The following SLC39A11 variants were observed in gnomAD, a reference collection of about 807,000 sequenced individuals.
SLC39A11 encodes solute carrier family 39 member 11, also known as zinc transporter ZIP11.
Under a neutral mutation model 36.1 loss-of-function variants are expected in SLC39A11, and 33 were observed. The observed-to-expected ratio is 0.91, with a 90% CI of 0.69 to 1.22. The LOEUF (loss-of-function observed/expected upper bound fraction) is 1.22, where lower values mean the gene tolerates loss of function less well. Among genes scored for constraint, SLC39A11 ranks in the 50% most tolerant of loss-of-function variants. The pLI, the probability that SLC39A11 is intolerant of heterozygous loss-of-function variation, is 0.00. For synonymous variants in SLC39A11, 166 were observed against 170.3 expected, an observed-to-expected ratio of 0.97 and a Z score of 0.20; for missense variants, 432 against 430.3, an observed-to-expected ratio of 1.00 and a Z score of -0.03.
At chr17:72,925,847 G>A (rs2084018800) in intron 5 of SLC39A11, among the ~76,000 whole-genome samples, 1 of 152,220 alleles carries the variant, frequency 6.6e-6, no homozygotes, top group African/African-American at 2.4e-5. Flanking sequence ...TCCAGAAGGA[G>A]AAAACAATGT....
At chr17:72,989,001 AGGAGTT>A (rs2088969571) in intron 4 of SLC39A11, among the ~76,000 whole-genome samples, 4 of 152,194 alleles carry the variant, frequency 2.6e-5, no homozygotes, top group African/African-American at 4.8e-5. Context: ...ACTTGAGGTC[AGGAGTT>A]CGAGACCAGC....
chr17:72,779,541 T>C (rs1196172965), intron 6 of SLC39A11, among the ~76,000 whole-genome samples: 6 of 152,186 alleles, frequency 3.9e-5, no homozygotes, highest in African/African-American at 7.2e-5. Flanking sequence ...CTTTCCTGGC[T>C]TCTGCTTCCC....
chr17:73,081,668 C>CAT (rs1568242880), intron 3 of SLC39A11, among the ~76,000 whole-genome samples: 1 of 64,984 alleles, frequency 1.5e-5, no homozygotes, highest in East Asian at 4.5e-4. Context: ...CACACACACA[C>CAT]ACATATATAT....
chr17:73,024,629 T>C (rs2058467409), intron 4 of SLC39A11, among the ~76,000 whole-genome samples: 1 of 152,206 alleles, frequency 6.6e-6, no homozygotes, highest in South Asian at 2.1e-4. Context: ...CTGTCACTTC[T>C]AAGACAGTTG....
chr17:73,029,815 C>T (rs933257824), intron 4 of SLC39A11, among the ~76,000 whole-genome samples: 1 of 152,180 alleles, frequency 6.6e-6, no homozygotes, highest in African/African-American at 2.4e-5. Context: ...CTCCTGGCCT[C>T]AAGTGATCTG....
At chr17:72,956,838 G>T (rs973282780) in intron 4 of SLC39A11, among the ~76,000 whole-genome samples, 2 of 152,016 alleles carry the variant, frequency 1.3e-5, no homozygotes, top group African/African-American at 4.8e-5. Flanking sequence ...TGTATGTATC[G>T]CACAACTATT....
chr17:72,975,214 G>A (rs1766575548), intron 4 of SLC39A11, among the ~76,000 whole-genome samples: 1 of 152,134 alleles, frequency 6.6e-6, no homozygotes, highest in Admixed American at 6.5e-5. Context: ...CAAGGCACAT[G>A]GATCACCTAA....
chr17:72,719,878 A>C (rs1331465309), intron 7 of SLC39A11, among the ~76,000 whole-genome samples: 3 of 152,132 alleles, frequency 2.0e-5, no homozygotes, highest in Non-Finnish European at 2.9e-5. Flanking sequence ...CTGCTCATGG[A>C]GGAGACGCTG....
chr17:72,702,533 A>G (rs1207768290), intron 7 of SLC39A11, among the ~76,000 whole-genome samples: 15 of 152,120 alleles, frequency 9.9e-5, no homozygotes, highest in Non-Finnish European at 1.9e-4. Context: ...CACTCTACCA[A>G]ATGAGTCATC....
chr17:73,018,364 C>G (rs2148563035), intron 4 of SLC39A11, among the ~76,000 whole-genome samples: 1 of 152,188 alleles, frequency 6.6e-6, no homozygotes, highest in South Asian at 2.1e-4. Flanking sequence ...GCCTGGCCAA[C>G]ATGGAAAAAC....
intron 4 of SLC39A11, among the ~76,000 whole-genome samples, chr17:72,971,168 C>A (rs1295465090): frequency 6.6e-6 from 1 of 152,180 alleles, no homozygotes; most frequent in Non-Finnish European, 1.5e-5. Flanking sequence ...AATAACCACT[C>A]ATTTACTATG....
chr17:72,661,372 T>C (rs2070410765), intron 7 of SLC39A11, among the ~76,000 whole-genome samples: 1 of 152,088 alleles, frequency 6.6e-6, no homozygotes, highest in Admixed American at 6.5e-5. Flanking sequence ...TCTCTGAGAA[T>C]TGGCAAGCGA....
At chr17:72,806,206 C>G (rs1429963971) in intron 6 of SLC39A11, among the ~76,000 whole-genome samples, 1 of 152,176 alleles carries the variant, frequency 6.6e-6, no homozygotes, top group Non-Finnish European at 1.5e-5. Context: ...CTGGCCGCCC[C>G]CTCAGCCGTT....
chr17:72,802,854 G>A (rs1302361848), intron 6 of SLC39A11, among the ~76,000 whole-genome samples: 4 of 152,132 alleles, frequency 2.6e-5, no homozygotes, highest in Non-Finnish European at 5.9e-5. Context: ...CCAGAGCCCA[G>A]GGAATGTGTC....
chr17:72,951,496 C>A lies in SLC39A11; in HGVS notation c.307-3621G>T, dbSNP rs2085863017. Reference sequence around the variant, plus strand: ...AAGTGTCAACTCTGTATCAGAGATGCTCCAGGTACTGGCAATTCAAAAAAG... The same window carrying A: ...AAGTGTCAACTCTGTATCAGAGATGATCCAGGTACTGGCAATTCAAAAAAG... On this transcript the variant is annotated intron_variant, in intron 4 of 9. Transcript: ENST00000255559. 2.6e-5 allele frequency among the ~76,000 whole-genome samples: 4 copies of A among 152,162 alleles called. No homozygotes were observed. The South Asian group carries it at 8.3e-4, about 32-fold the overall frequency.
intron 6 of SLC39A11, among the ~76,000 whole-genome samples, chr17:72,777,721 G>C (rs1259522920): frequency 6.6e-6 from 1 of 152,144 alleles, no homozygotes; most frequent in African/African-American, 2.4e-5. Flanking sequence ...CCAGAACTGT[G>C]AGAGAATACA....
chr17:72,734,263 A>C (rs1273410324), intron 7 of SLC39A11, among the ~76,000 whole-genome samples: 2 of 152,120 alleles, frequency 1.3e-5, no homozygotes, highest in Non-Finnish European at 1.5e-5. Context: ...CACAAACTCT[A>C]CACGTTTTTC....
In SLC39A11 at chr17:73,081,674, T is replaced by C. The variant is rs948655875; in HGVS notation, c.147+3134A>G. Reference sequence around the variant, plus strand: ...ACACACACACACACACACACACATATATATACACATATATGTATATATGTA... The same window carrying C: ...ACACACACACACACACACACACATACATATACACATATATGTATATATGTA... On this transcript the variant is annotated intron_variant, in intron 3 of 9. Transcript: ENST00000255559. 5.6e-5 allele frequency among the ~76,000 whole-genome samples: 8 copies of C among 142,578 alleles called. No homozygotes were observed. In the South Asian group the frequency reaches 1.6e-3, roughly 29 times the overall value. The allele number at this position is 142,578 out of a possible 152,430, so 93.5% of individuals were successfully genotyped here.
intron 6 of SLC39A11, among the ~76,000 whole-genome samples, chr17:72,767,230 T>G (rs977755333): frequency 3.3e-5 from 5 of 152,230 alleles, no homozygotes; most frequent in Non-Finnish European, 7.3e-5. Context: ...AACTGCACGT[T>G]TATTGTAGTA....
Sources: gnomAD v4.1 joint callset for allele counts (sites outside exome capture counted in the v4.1 genomes callset) on GRCh38, gnomAD v4.1.1 for gene constraint, MANE v1.5 for transcripts, NCBI Gene and HGNC (gene_info 2026-07-23, HGNC 2026-07-21) for gene names.